Variants in PALM2AKAP2 observed in about 807,000 individuals in gnomAD.
PALM2AKAP2 encodes the protein PALM2 and AKAP2 fusion.
Under a neutral mutation model 71.5 loss-of-function variants are expected in PALM2AKAP2, and 37 were observed. The ratio of observed to expected loss-of-function variants is 0.52; its 90% CI spans 0.40 to 0.68. The LOEUF (loss-of-function observed/expected upper bound fraction) is 0.68. Ranked by LOEUF, PALM2AKAP2 falls within the 30% of genes least tolerant of loss-of-function variation. The pLI, the probability that PALM2AKAP2 is intolerant of heterozygous loss-of-function variation, is 0.00. For missense variants in PALM2AKAP2, 1,224 were observed against 1,191.8 expected, an observed-to-expected ratio of 1.03 and a Z score of -0.40; for synonymous variants, 468 against 478.8, an observed-to-expected ratio of 0.98 and a Z score of 0.29.
At chr9:109,792,215 A>T (rs1827132118) in intron 1 of PALM2AKAP2, among the ~76,000 whole-genome samples, 1 of 152,238 alleles carries the variant, frequency 6.6e-6, no homozygotes, top group Non-Finnish European at 1.5e-5. Flanking sequence ...GGATGAACTC[A>T]TCAGTTCTCT....
rs73537462 is a variant in PALM2AKAP2 at position 109,913,296 on chromosome 9, A to G, written c.258-10439A>G. Among the ~76,000 whole-genome samples, 568 of 152,334 alleles carry G rather than the reference A, an allele frequency of 3.7e-3. 4 individuals carry two copies. Among genetic ancestry groups the G allele is most frequent in the African/African-American group, 0.013 (547 of 41,578 alleles). ...AAGGCTGGAAAGGTGTTTAAAATGTATACTTAGGCATGTCTTGGCTCTTTC... is the reference window on the plus strand; with the variant it reads ...AAGGCTGGAAAGGTGTTTAAAATGTGTACTTAGGCATGTCTTGGCTCTTTC... On this transcript the variant is annotated intron_variant, in intron 3 of 9. Coordinates refer to the PALM2AKAP2 transcript ENST00000302798.
chr9:109,817,007 T>G (rs909890165), intron 1 of PALM2AKAP2, among the ~76,000 whole-genome samples: 8 of 152,240 alleles, frequency 5.3e-5, no homozygotes, highest in African/African-American at 1.9e-4. Flanking sequence ...ATTTTCAACT[T>G]TATTCAACCA....
At chr9:110,155,221 T>C (rs957669719) in intron 2 of PALM2AKAP2, among the ~76,000 whole-genome samples, 2 of 152,194 alleles carry the variant, frequency 1.3e-5, no homozygotes, top group African/African-American at 4.8e-5. Context: ...CCCCTTCGGC[T>C]TGGAACTGGA....
intron 1 of PALM2AKAP2, among the ~76,000 whole-genome samples, chr9:109,849,806 A>G (rs1004589104): frequency 8.5e-5 from 13 of 152,214 alleles, no homozygotes; most frequent in African/African-American, 2.9e-4. Flanking sequence ...AGAGAGAGAG[A>G]GGAGAGAGAG....
chr9:110,067,935 T>C (rs1834117774), intron 1 of PALM2AKAP2, among the ~76,000 whole-genome samples: 1 of 142,092 alleles, frequency 7.0e-6, no homozygotes. Flanking sequence ...TGTTTAAATT[T>C]TGATGCTTTC....
chr9:109,701,864 C>A (rs1256740739), intron 1 of PALM2AKAP2, among the ~76,000 whole-genome samples: 1 of 152,142 alleles, frequency 6.6e-6, no homozygotes, highest in Non-Finnish European at 1.5e-5. Flanking sequence ...GGGCTAATAT[C>A]CAGAATCTAC....
intron 6 of PALM2AKAP2, among the ~76,000 whole-genome samples, chr9:109,935,994 C>A (rs541043533): frequency 6.6e-6 from 1 of 152,320 alleles, no homozygotes; most frequent in Non-Finnish European, 1.5e-5. Context: ...ATCAACATCA[C>A]ACCCTTGCTG....
chr9:109,706,566 A>C (rs1164468637), intron 1 of PALM2AKAP2, among the ~76,000 whole-genome samples: 2 of 152,238 alleles, frequency 1.3e-5, no homozygotes, highest in Non-Finnish European at 2.9e-5. Context: ...ATATATTTCC[A>C]GGAGAAATGC....
intron 7 of PALM2AKAP2, among the ~76,000 whole-genome samples, chr9:110,020,308 A>C (rs1240332458): frequency 6.6e-6 from 1 of 152,130 alleles, no homozygotes; most frequent in East Asian, 1.9e-4. Flanking sequence ...TTTGCCTTCC[A>C]TTTCCCTTGC....
intron 6 of PALM2AKAP2, among the ~76,000 whole-genome samples, chr9:110,006,484 A>T (rs1488520004): frequency 6.6e-6 from 1 of 151,664 alleles, no homozygotes; most frequent in East Asian, 1.9e-4. Context: ...CCTCCCAAGT[A>T]GCTGGGAATA....
intron 1 of PALM2AKAP2, among the ~76,000 whole-genome samples, chr9:110,113,383 C>T (rs1019854839): frequency 1.6e-4 from 25 of 151,782 alleles, no homozygotes; most frequent in African/African-American, 4.8e-4. Context: ...GAACTACAGG[C>T]GTGCACCACC....
chr9:109,938,428 G>A (rs1470538662), intron 6 of PALM2AKAP2, among the ~76,000 whole-genome samples: 6 of 152,044 alleles, frequency 3.9e-5, no homozygotes, highest in Non-Finnish European at 8.8e-5. Context: ...GTGATTTGTG[G>A]TTCCTCTGAA....
chr9:109,667,241 A>G (rs1827499879), intron 1 of PALM2AKAP2, among the ~76,000 whole-genome samples: 1 of 152,218 alleles, frequency 6.6e-6, no homozygotes, highest in Non-Finnish European at 1.5e-5. Context: ...AAAGAGAATG[A>G]TGACAGATAG....
At chr9:109,942,653 A>T in intron 6 of PALM2AKAP2, 1 of 1,517,838 alleles carries the variant, frequency 6.6e-7, no homozygotes, top group Admixed American at 2.3e-5. Context: ...TTTTGTTGTA[A>T]CATGCACTTC....
chr9:109,806,234 T>G (rs1362388383), intron 1 of PALM2AKAP2, among the ~76,000 whole-genome samples: 1 of 152,266 alleles, frequency 6.6e-6, no homozygotes, highest in Non-Finnish European at 1.5e-5. Flanking sequence ...TTTTGATTTA[T>G]TTACAAAAGT....
upstream of PALM2AKAP2, among the ~76,000 whole-genome samples, chr9:110,044,332 T>TTTTC (rs1363622172): frequency 5.4e-5 from 8 of 148,684 alleles, no homozygotes; most frequent in African/African-American, 7.5e-5. Flanking sequence ...TGCTTTTTCT[T>TTTTC]TTTCTTTCTT....
chr9:109,792,167 A>T (rs899907104), intron 1 of PALM2AKAP2, among the ~76,000 whole-genome samples: 4 of 152,242 alleles, frequency 2.6e-5, no homozygotes, highest in Non-Finnish European at 2.9e-5. Context: ...GGTCAGAGTC[A>T]GGGCTGCTAC....
chr9:109,909,126 T>A (rs527973395), intron 3 of PALM2AKAP2, among the ~76,000 whole-genome samples: 2 of 150,606 alleles, frequency 1.3e-5, no homozygotes, highest in South Asian at 4.2e-4. Flanking sequence ...GAGTACCTCA[T>A]AGTAGATAAG....
intron 1 of PALM2AKAP2, among the ~76,000 whole-genome samples, chr9:109,709,458 A>C (rs1249879830): frequency 6.6e-6 from 1 of 152,188 alleles, no homozygotes; most frequent in Non-Finnish European, 1.5e-5. Context: ...CCTGTTGTTC[A>C]GGCCATGGCT....
Sources: gnomAD v4.1 joint callset for allele counts (sites outside exome capture counted in the v4.1 genomes callset) on GRCh38, gnomAD v4.1.1 for gene constraint, MANE v1.5 for transcripts, NCBI Gene and HGNC (gene_info 2026-07-23, HGNC 2026-07-21) for gene names.